YLPM1: variants seen among roughly 807,000 people sequenced by gnomAD.
YLPM1 encodes YLP motif containing 1.
YLPM1 carries 99 observed loss-of-function variants against 230.0 expected under a neutral mutation model. The observed-to-expected ratio is 0.43, with a 90% CI of 0.37 to 0.51. The LOEUF (loss-of-function observed/expected upper bound fraction) is 0.51, where lower values mean the gene tolerates loss of function less well. Ranked by LOEUF, YLPM1 falls within the 20% of genes least tolerant of loss-of-function variation. The pLI, the probability that YLPM1 is intolerant of heterozygous loss-of-function variation, is 0.00. For synonymous variants in YLPM1, 984 were observed against 942.5 expected (o/e 1.04, Z -0.81); for missense variants, 2,592 against 2,707.7 (o/e 0.96, Z 0.95).
intron 1 of YLPM1, among the ~76,000 whole-genome samples, chr14:74,775,294 A>G (rs1226595674): frequency 1.3e-5 from 2 of 152,194 alleles, no homozygotes; most frequent in African/African-American, 4.8e-5. Context: ...ACCAGATAGG[A>G]TATAAAAAGA....
At position 74,781,720 on chromosome 14, in the gene YLPM1, C is replaced by T; in HGVS notation, c.1677C>T (p.Gly559=). 1 of 1,612,520 alleles carries T rather than the reference C, an allele frequency of 6.2e-7. No homozygotes were observed. Among genetic ancestry groups the T allele is most frequent in the Middle Eastern group, 1.7e-4 (1 of 6,060 alleles). The part of the protein sequence containing the change: ...PALPATVPPP[G]MPPPVMPPSL... ...TCCCTGCTACAGTGCCACCACCTGG[C>T]ATGCCCCCACCTGTTATGCCACCTT... Residue 559 remains glycine (G), a synonymous_variant, in exon 4 of 21, where the codon GGC becomes GGT. Transcript: ENST00000325680.
Position 74,812,793 on chromosome 14 carries a change from T to C in YLPM1, c.5502+11T>C. On this transcript the variant is annotated intron_variant, in intron 11 of 20. Coordinates refer to ENST00000325680, the MANE Select transcript of YLPM1 (RefSeq NM_019589.3). ...AGCAGACCTGAGAGAGTGAGTCCTA[T>C]GAAGTTGATTCGTCTTCGTGCAAAC... The C allele has an allele frequency of 5.6e-6, 9 of 1,609,900 alleles. No homozygotes were observed. Among genetic ancestry groups the C allele is most frequent in the Non-Finnish European group, 7.6e-6 (9 of 1,177,618 alleles).
intron 17 of YLPM1, 169 bp downstream of exon 17, chr14:74,821,306 A>G: frequency 1.0e-6 from 1 of 980,642 alleles, no homozygotes; most frequent in Non-Finnish European, 1.4e-6. Context: ...TTTTCCCCAG[A>G]CCAAAAGAAC....
Position 74,797,889 on chromosome 14 carries a change from A to G in YLPM1, c.2592A>G (p.Glu864=). The change falls in exon 5 of 21, where the codon GAA becomes GAG. Residue 864 remains glutamate (E), a synonymous_variant. Coordinates refer to ENST00000325680, the MANE Select transcript of YLPM1 (RefSeq NM_019589.3). ...CAGAACCTCTTTCAGGAAACAAAGA[A>G]CCATTAGCAGACACCAGTAGTAACC... ...SQAEPLSGNK[E]PLADTSSNQQ... The G allele has an allele frequency of 6.2e-7, 1 of 1,614,002 alleles. No individual in the cohort carries two copies. Among genetic ancestry groups the G allele is most frequent in the East Asian group, 2.2e-5 (1 of 44,886 alleles).
intron 6 of YLPM1, among the ~76,000 whole-genome samples, chr14:74,803,337 A>G (rs1289263025): frequency 2.6e-5 from 4 of 152,164 alleles, no homozygotes; most frequent in African/African-American, 9.7e-5. Context: ...TTTTACCTTT[A>G]AGCCAGTAAT....
At chr14:74,809,842 G>T (rs1402502213) in intron 7 of YLPM1, 45 bp downstream of exon 7, 1 of 1,609,310 alleles carries the variant, frequency 6.2e-7, no homozygotes, top group Non-Finnish European at 8.5e-7. Flanking sequence ...TACAGGAATT[G>T]TTAGCTTCAG....
intron 10 of YLPM1, 106 bp from the exon 11 acceptor site, chr14:74,812,522 C>A: frequency 1.7e-6 from 2 of 1,181,554 alleles, no homozygotes; most frequent in Non-Finnish European, 2.2e-6. Flanking sequence ...GCCCCAAAAT[C>A]ACTGGACTTG....
intron 6 of YLPM1, among the ~76,000 whole-genome samples, chr14:74,803,690 C>A (rs1333861440): frequency 6.6e-6 from 1 of 152,170 alleles, no homozygotes; most frequent in African/African-American, 2.4e-5. Context: ...TCCTCACCAT[C>A]ACCTAGTCAC....
intron 16 of YLPM1, 24 bp downstream of exon 16, chr14:74,818,338 C>G: frequency 6.4e-7 from 1 of 1,553,892 alleles, no homozygotes; most frequent in Non-Finnish European, 8.7e-7. Flanking sequence ...GGTTCAAATG[C>G]AATGCAAAGT....
rs544684379 is a variant in YLPM1 at position 74,818,952 on chromosome 14, G to A, written c.6030+638G>A. ...GCTTAGGTTCAGGTTAAACATTAGC[G>A]GGAATGCTACATAAGTGATACTGTG... On this transcript the variant is annotated intron_variant, in intron 16 of 20. Coordinates refer to ENST00000325680, the MANE Select transcript of YLPM1 (RefSeq NM_019589.3). Among the ~76,000 whole-genome samples, 5 of 152,188 alleles carry A rather than the reference G, an allele frequency of 3.3e-5. No homozygotes were observed. In the East Asian group the frequency reaches 5.8e-4, roughly 18 times the overall value.
At chr14:74,766,442 G>T (rs916582259) in intron 1 of YLPM1, among the ~76,000 whole-genome samples, 25 of 152,154 alleles carry the variant, frequency 1.6e-4, no homozygotes, top group African/African-American at 6.0e-4. Flanking sequence ...CAGCTATCAA[G>T]ATTTTGCCAT....
At chr14:74,811,015 T>C (rs1198857298) in intron 9 of YLPM1, among the ~76,000 whole-genome samples, 10 of 151,862 alleles carry the variant, frequency 6.6e-5, no homozygotes, top group African/African-American at 2.4e-4. Context: ...TTGATGACGA[T>C]GTGGTTTCAC....
chr14:74,773,957 G>A (rs2091006389), intron 1 of YLPM1, among the ~76,000 whole-genome samples: 1 of 151,968 alleles, frequency 6.6e-6, no homozygotes, highest in African/African-American at 2.4e-5. Flanking sequence ...CTGACCTCAG[G>A]TGACCTGCCC....
intron 1 of YLPM1, among the ~76,000 whole-genome samples, chr14:74,767,563 A>C (rs551663723): frequency 3.0e-4 from 45 of 152,274 alleles, no homozygotes; most frequent in African/African-American, 1.1e-3. Flanking sequence ...CCTGACCTCT[A>C]CCCATTAGAT....
chr14:74,784,022 T>C (rs2091122390), intron 4 of YLPM1, among the ~76,000 whole-genome samples: 1 of 152,224 alleles, frequency 6.6e-6, no homozygotes, highest in Admixed American at 6.5e-5. Flanking sequence ...TTTACTGCCA[T>C]GATTCAAGCC....
At chr14:74,796,100 G>A (rs1199070269) in intron 4 of YLPM1, among the ~76,000 whole-genome samples, 1 of 152,178 alleles carries the variant, frequency 6.6e-6, no homozygotes, top group Non-Finnish European at 1.5e-5. Flanking sequence ...TGTCTGGGGG[G>A]CCTTGTGTCT....
At chr14:74,833,505 G>A (rs1016308826) in intron 19 of YLPM1, among the ~76,000 whole-genome samples, 1 of 152,046 alleles carries the variant, frequency 6.6e-6, no homozygotes, top group African/African-American at 2.4e-5. Context: ...TGCCGGCCTC[G>A]GCCTCCCAAA....
intron 1 of YLPM1, among the ~76,000 whole-genome samples, chr14:74,777,753 T>C (rs1229846463): frequency 6.6e-6 from 1 of 151,866 alleles, no homozygotes; most frequent in Non-Finnish European, 1.5e-5. Flanking sequence ...GGTAAGAGAA[T>C]TGCTTGAGCC....
At chr14:74,785,316 G>A (rs1003008647) in intron 4 of YLPM1, among the ~76,000 whole-genome samples, 4 of 152,104 alleles carry the variant, frequency 2.6e-5, no homozygotes, top group Non-Finnish European at 5.9e-5. Context: ...ATTTTCATCT[G>A]CAGCTTTGAT....
Sources: gnomAD v4.1 joint callset for allele counts (sites outside exome capture counted in the v4.1 genomes callset) on GRCh38, gnomAD v4.1.1 for gene constraint, MANE v1.5 for transcripts, NCBI Gene and HGNC (gene_info 2026-07-23, HGNC 2026-07-21) for gene names.